Variants in XPO4 observed in about 807,000 individuals in gnomAD.
XPO4 encodes exportin-4.
XPO4 carries 39 observed loss-of-function variants against 143.0 expected under a neutral mutation model. The observed-to-expected ratio is 0.27, with a 90% confidence interval of 0.21 to 0.36. XPO4 has a LOEUF of 0.36. Ranked by LOEUF, XPO4 falls within the 10% of genes least tolerant of loss-of-function variation. The probability of loss-of-function intolerance (pLI) is 1.00; values close to 1 mark genes in which losing one functional copy is unlikely to be tolerated. For missense variants in XPO4, 907 were observed against 1,348.0 expected (o/e 0.67, Z 5.12); for synonymous variants, 439 against 474.0 (o/e 0.93, Z 0.96).
Position 20,794,615 on chromosome 13 carries a change from C to G in XPO4, c.2797+1461G>C, listed in dbSNP as rs142630401. ...GGGCACAGTGGCTCACACCTGTAAT[C>G]CCAGCACTCTGGGAGGTTAAGGTGG... On this transcript the variant is annotated intron_variant, in intron 18 of 22. Transcript: ENST00000255305. 8.3e-4 allele frequency among the ~76,000 whole-genome samples: 127 copies of G among 152,222 alleles called. 1 individual carries two copies. In the East Asian group the frequency reaches 0.016, roughly 19 times the overall value.
chr13:20,817,613 C>T (rs1278764787), intron 9 of XPO4, among the ~76,000 whole-genome samples: 4 of 152,196 alleles, frequency 2.6e-5, no homozygotes, highest in African/African-American at 9.7e-5. Context: ...TAGCAACATA[C>T]TGCACAGCTT....
At chr13:20,824,755 C>T (rs1158449370) in intron 7 of XPO4, among the ~76,000 whole-genome samples, 1 of 152,074 alleles carries the variant, frequency 6.6e-6, no homozygotes, top group Non-Finnish European at 1.5e-5. Context: ...AAGCAAAGCC[C>T]AGCAGGACGC....
chr13:20,898,088 T>A (rs1013548602), intron 1 of XPO4, among the ~76,000 whole-genome samples: 17 of 152,266 alleles, frequency 1.1e-4, no homozygotes, highest in African/African-American at 3.1e-4. Context: ...GAATATCTCA[T>A]CCTATTTACT....
intron 22 of XPO4, among the ~76,000 whole-genome samples, chr13:20,786,712 C>T (rs1595048907): frequency 6.6e-6 from 1 of 152,072 alleles, no homozygotes; most frequent in South Asian, 2.1e-4. Flanking sequence ...GGGGCAGTGA[C>T]CATTGCAAAG....
chr13:20,804,121 T>C (rs2059471034), intron 13 of XPO4, among the ~76,000 whole-genome samples: 2 of 148,056 alleles, frequency 1.4e-5, no homozygotes, highest in African/African-American at 5.0e-5. Flanking sequence ...ATCATATATA[T>C]ACACTATATA....
At chr13:20,853,101 G>T in intron 4 of XPO4, 1 of 942,764 alleles carries the variant, frequency 1.1e-6, no homozygotes, top group Non-Finnish European at 1.3e-6. Flanking sequence ...GAAGGCTGAG[G>T]CAAGAGATCA....
chr13:20,873,120 G>A (rs967865971), intron 1 of XPO4, among the ~76,000 whole-genome samples: 22 of 135,358 alleles, frequency 1.6e-4, no homozygotes, highest in Non-Finnish European at 3.4e-4. Context: ...AAAAAAACAA[G>A]GATGGGAAAA....
At chr13:20,850,657 C>G (rs975186239) in intron 4 of XPO4, 5 of 392,658 alleles carry the variant, frequency 1.3e-5, no homozygotes, top group Non-Finnish European at 1.7e-5. Context: ...CCCAGCTACT[C>G]AGGAAGCTGA....
At chr13:20,859,744 T>C in intron 3 of XPO4, 2 of 553,812 alleles carry the variant, frequency 3.6e-6, no homozygotes, top group Non-Finnish European at 4.5e-6. Context: ...GCCACTGCAC[T>C]CCAGCCTAGC....
chr13:20,878,142 C>T (rs2060370788), intron 1 of XPO4, among the ~76,000 whole-genome samples: 2 of 152,090 alleles, frequency 1.3e-5, no homozygotes, highest in South Asian at 4.1e-4. Context: ...CATGGCACTC[C>T]AGCCTGGGTG....
At chr13:20,878,639 G>T (rs1220799555) in intron 1 of XPO4, among the ~76,000 whole-genome samples, 1 of 152,084 alleles carries the variant, frequency 6.6e-6, no homozygotes, top group Non-Finnish European at 1.5e-5. Flanking sequence ...TTACATTTGC[G>T]GGAAGAGTAT....
chr13:20,800,412 T>C, intron 14 of XPO4, 87 bp from the exon 15 acceptor site: 3 of 1,313,510 alleles, frequency 2.3e-6, no homozygotes, highest in Non-Finnish European at 2.1e-6. Context: ...CTGAAATTAG[T>C]ATCTAATCTG....
At chr13:20,897,161 C>T (rs1444127162) in intron 1 of XPO4, among the ~76,000 whole-genome samples, 1 of 152,084 alleles carries the variant, frequency 6.6e-6, no homozygotes, top group Non-Finnish European at 1.5e-5. Context: ...TGCATACTTA[C>T]TATAATGCAT....
chr13:20,889,233 G>T (rs1036309422), intron 1 of XPO4, among the ~76,000 whole-genome samples: 1 of 152,148 alleles, frequency 6.6e-6, no homozygotes, highest in Non-Finnish European at 1.5e-5. Context: ...TGCCATGTGC[G>T]CATGGCTAGT....
Position 20,796,259 on chromosome 13 carries a change from GAAAA to G in XPO4, c.2617-7_2617-4del, listed in dbSNP as rs34352023. The stretch of plus-strand genomic sequence containing the variant: ...TCATATAAGTTCATAGCTTTGGACT[GAAAA>G]AAAAAAAAATGCACAAATTATGCTA... On this transcript the variant is annotated splice_polypyrimidine_tract_variant and splice_region_variant and intron_variant, in intron 17 of 22. Coordinates refer to ENST00000255305, the MANE Select transcript of XPO4 (RefSeq NM_022459.5). 5.7e-6 allele frequency: 7 copies of G among 1,232,538 alleles called. No homozygotes were observed. Among genetic ancestry groups the G allele is most frequent in the South Asian group, 3.5e-5 (2 of 57,330 alleles). The allele number at this position is 1,232,538 out of a possible 1,614,324, so 76.4% of individuals were successfully genotyped here.
chr13:20,812,055 T>C (rs1304428931), intron 9 of XPO4, among the ~76,000 whole-genome samples: 1 of 152,114 alleles, frequency 6.6e-6, no homozygotes, highest in African/African-American at 2.4e-5. Flanking sequence ...CCCAGAAGCA[T>C]TCACTTAGAA....
rs1010741414 is a variant in XPO4, at chr13:20,781,567, T to C, written c.*2155A>G. The C allele has an allele frequency of 6.6e-6, 1 of 152,670 alleles. No individual in the cohort carries two copies. Among genetic ancestry groups the C allele is most frequent in the African/African-American group, 2.4e-5 (1 of 41,472 alleles). 9.5% of individuals were successfully genotyped at this position (152,670 alleles called of 1,614,324 possible). A position where few individuals can be genotyped will look rare whatever the true frequency, so the allele number is the denominator to read the frequency against. On this transcript the variant is annotated 3_prime_UTR_variant, in exon 23 of 23. Transcript: ENST00000255305. ...AAATTTTCTATTTTTAGTATTGTAA[T>C]AGGATCTGGGCAAATTTTGCAAATA...
intron 13 of XPO4, among the ~76,000 whole-genome samples, chr13:20,806,094 CACCCT>C (rs2059500182): frequency 6.6e-6 from 1 of 152,130 alleles, no homozygotes; most frequent in Non-Finnish European, 1.5e-5. Flanking sequence ...AATATGACAG[CACCCT>C]GAAATGAACT....
At chr13:20,846,232 A>G (rs1030557033) in intron 4 of XPO4, among the ~76,000 whole-genome samples, 1 of 152,214 alleles carries the variant, frequency 6.6e-6, no homozygotes, top group Non-Finnish European at 1.5e-5. Flanking sequence ...AGTTTTCAGG[A>G]ACATCTCTCT....
Sources: allele counts gnomAD v4.1 joint callset (sites outside exome capture counted in the v4.1 genomes callset), GRCh38; gene constraint gnomAD v4.1.1; transcripts MANE v1.5; gene names NCBI Gene and HGNC (gene_info 2026-07-23, HGNC 2026-07-21).